PALM2AKAP2: variants seen among roughly 807,000 people sequenced by gnomAD.
PALM2AKAP2 encodes PALM2 and AKAP2 fusion.
Under a neutral mutation model 71.5 loss-of-function variants are expected in PALM2AKAP2, and 37 were observed. That is an observed-to-expected ratio of 0.52 (90% CI 0.40 to 0.68). PALM2AKAP2 has a LOEUF of 0.68. Among genes scored for constraint, PALM2AKAP2 ranks in the 30% least tolerant of loss-of-function variants. The pLI is 0.00. For synonymous variants in PALM2AKAP2, 468 were observed against 478.8 expected, an observed-to-expected ratio of 0.98 and a Z score of 0.29; for missense variants, 1,224 against 1,191.8, an observed-to-expected ratio of 1.03 and a Z score of -0.40.
At chr9:109,679,872 T>G (rs78539185) in intron 1 of PALM2AKAP2, among the ~76,000 whole-genome samples, 1 of 152,336 alleles carries the variant, frequency 6.6e-6, no homozygotes, top group East Asian at 1.9e-4. Context: ...GAGCTGGAAG[T>G]AAGATAATAT....
intron 1 of PALM2AKAP2, among the ~76,000 whole-genome samples, chr9:109,718,449 C>T (rs1221536281): frequency 6.6e-6 from 1 of 152,152 alleles, no homozygotes; most frequent in Non-Finnish European, 1.5e-5. Context: ...ATAAGGCATT[C>T]CTTACTTGTT....
At chr9:110,048,858 G>A in intron 1 of PALM2AKAP2, 1 of 1,527,460 alleles carries the variant, frequency 6.5e-7, no homozygotes. Flanking sequence ...GCCCAGAGGT[G>A]GGTGTCCAAG....
At chr9:109,769,186 G>A (rs7023524) in intron 1 of PALM2AKAP2, among the ~76,000 whole-genome samples, 46,678 of 151,966 alleles carry the variant, frequency 0.31, 9,014 homozygotes, top group African/African-American at 0.52. Context: ...CTACGAAAGT[G>A]AAATGGCAAA....
intron 3 of PALM2AKAP2, among the ~76,000 whole-genome samples, chr9:110,156,798 G>A (rs948502616): frequency 2.0e-5 from 3 of 152,302 alleles, no homozygotes; most frequent in Non-Finnish European, 2.9e-5. Context: ...CAAGGGCCAC[G>A]CAGGGAGAAG....
At chr9:110,067,600 G>C (rs1366714604) in intron 1 of PALM2AKAP2, among the ~76,000 whole-genome samples, 2 of 152,232 alleles carry the variant, frequency 1.3e-5, no homozygotes, top group African/African-American at 4.8e-5. Context: ...AGGTGGGTGT[G>C]AACAGAGGAA....
intron 6 of PALM2AKAP2, among the ~76,000 whole-genome samples, chr9:109,967,847 G>A (rs942961257): frequency 2.0e-5 from 3 of 152,220 alleles, no homozygotes; most frequent in African/African-American, 7.2e-5. Flanking sequence ...TGACTTTGTT[G>A]TGTTTAAATT....
At chr9:110,114,701 ACAGCAGG>A (rs1360511502) in intron 1 of PALM2AKAP2, among the ~76,000 whole-genome samples, 4 of 152,236 alleles carry the variant, frequency 2.6e-5, no homozygotes, top group African/African-American at 9.6e-5. Flanking sequence ...AAAACGGTCA[ACAGCAGG>A]CAGCCCTGGG....
At chr9:109,690,500 T>C (rs2118544854) in intron 1 of PALM2AKAP2, among the ~76,000 whole-genome samples, 1 of 152,320 alleles carries the variant, frequency 6.6e-6, no homozygotes, top group East Asian at 1.9e-4. Context: ...AATTTTGAAA[T>C]GGTCTTCTAT....
At chr9:110,082,932 G>A (rs912774686) in intron 1 of PALM2AKAP2, among the ~76,000 whole-genome samples, 3 of 152,056 alleles carry the variant, frequency 2.0e-5, no homozygotes, top group East Asian at 1.9e-4. Flanking sequence ...ACCTGAGGTC[G>A]GGAGTTCGAG....
chr9:109,710,073 C>A (rs566376507), intron 1 of PALM2AKAP2, among the ~76,000 whole-genome samples: 1 of 152,138 alleles, frequency 6.6e-6, no homozygotes, highest in African/African-American at 2.4e-5. Flanking sequence ...GGCGTAACTA[C>A]AAGCCAAGGA....
intron 1 of PALM2AKAP2, among the ~76,000 whole-genome samples, chr9:110,088,735 T>TC (rs1564297993): frequency 1.6e-5 from 2 of 121,434 alleles, no homozygotes; most frequent in African/African-American, 3.0e-5. Flanking sequence ...TTTTTTTTTT[T>TC]CTGAGACAGA....
exon 4 of PALM2AKAP2, chr9:110,170,402 T>G (rs1006985600): frequency 3.3e-5 from 5 of 152,678 alleles, no homozygotes; most frequent in Admixed American, 6.5e-5. Flanking sequence ...GCACATTTCC[T>G]TTGCTTCTTT....
exon 4 of PALM2AKAP2, chr9:110,171,292 T>G (rs1472633421): frequency 6.6e-6 from 1 of 152,178 alleles, no homozygotes; most frequent in African/African-American, 2.4e-5. Context: ...GTTCTAGAGC[T>G]GGGGGTTCTT....
At chr9:109,691,390 A>G (rs1360838661) in intron 1 of PALM2AKAP2, among the ~76,000 whole-genome samples, 3 of 152,084 alleles carry the variant, frequency 2.0e-5, no homozygotes, top group Middle Eastern at 3.2e-3. Context: ...TTTGAGAGAT[A>G]GAGGGGACCT....
At chr9:109,667,046 C>T (rs919657107) in intron 1 of PALM2AKAP2, among the ~76,000 whole-genome samples, 1 of 152,176 alleles carries the variant, frequency 6.6e-6, no homozygotes, top group East Asian at 1.9e-4. Context: ...CTGCAGGCAT[C>T]TAAGTACCAG....
At chr9:109,958,856 T>C (rs1471233634) in intron 6 of PALM2AKAP2, among the ~76,000 whole-genome samples, 1 of 152,222 alleles carries the variant, frequency 6.6e-6, no homozygotes, top group Non-Finnish European at 1.5e-5. Context: ...ACTGCCTTGT[T>C]CCAGGGTCTT....
At chr9:109,991,421 C>T (rs1487741284) in intron 6 of PALM2AKAP2, among the ~76,000 whole-genome samples, 1 of 150,434 alleles carries the variant, frequency 6.6e-6, no homozygotes, top group African/African-American at 2.4e-5. Flanking sequence ...TTTTTTTTTT[C>T]AGAGATGGGG....
intron 1 of PALM2AKAP2, among the ~76,000 whole-genome samples, chr9:109,660,468 T>A (rs981673191): frequency 6.6e-6 from 1 of 152,170 alleles, no homozygotes; most frequent in African/African-American, 2.4e-5. Context: ...GTCCTTGTGA[T>A]AGTTTGCTGA....
intron 2 of PALM2AKAP2, among the ~76,000 whole-genome samples, chr9:109,875,092 C>T (rs1175158980): frequency 6.6e-6 from 1 of 152,214 alleles, no homozygotes; most frequent in African/African-American, 2.4e-5. Flanking sequence ...TCTCCATCTT[C>T]AGTTTGTTCT....
Sources: allele counts gnomAD v4.1 joint callset (sites outside exome capture counted in the v4.1 genomes callset), GRCh38; gene constraint gnomAD v4.1.1; transcripts MANE v1.5; gene names NCBI Gene and HGNC (gene_info 2026-07-23, HGNC 2026-07-21).